Variants in CNTNAP2 observed in about 807,000 individuals in gnomAD.
The protein encoded by CNTNAP2 is contactin-associated protein-like 2.
Under a neutral mutation model 155.2 loss-of-function variants are expected in CNTNAP2, and 98 were observed. The observed-to-expected ratio is 0.63, with a 90% CI of 0.54 to 0.75. The LOEUF (loss-of-function observed/expected upper bound fraction) is 0.75. CNTNAP2 is among the 30% of genes least tolerant of loss of function. CNTNAP2 has a pLI of 0.00. For missense variants in CNTNAP2, 1,727 were observed against 1,688.1 expected, an observed-to-expected ratio of 1.02 and a Z score of -0.40; for synonymous variants, 651 against 631.2, an observed-to-expected ratio of 1.03 and a Z score of -0.47.
At chr7:148,216,701 T>C (rs1016064090) in intron 18 of CNTNAP2, among the ~76,000 whole-genome samples, 1 of 152,188 alleles carries the variant, frequency 6.6e-6, no homozygotes, top group Non-Finnish European at 1.5e-5. Flanking sequence ...AATTTTACTA[T>C]TTTTTTAATT....
intron 1 of CNTNAP2, among the ~76,000 whole-genome samples, chr7:146,419,196 G>C (rs1795977309): frequency 6.6e-6 from 1 of 152,194 alleles, no homozygotes; most frequent in African/African-American, 2.4e-5. Context: ...GCAAACAAGA[G>C]CTAATGAAAG....
At chr7:147,724,640 A>G (rs76360411) in intron 13 of CNTNAP2, among the ~76,000 whole-genome samples, 1,526 of 152,170 alleles carry the variant, frequency 0.01, 33 homozygotes, top group African/African-American at 0.035. Flanking sequence ...TGATTTGTGC[A>G]TAATACATAT....
At chr7:147,159,094 C>G (rs1427024001) in intron 8 of CNTNAP2, among the ~76,000 whole-genome samples, 2 of 152,004 alleles carry the variant, frequency 1.3e-5, no homozygotes, top group Non-Finnish European at 2.9e-5. Context: ...GCAAAGGGAA[C>G]AGCATTGACA....
At position 146,822,583 on chromosome 7, in the gene CNTNAP2, A is replaced by C. The variant is rs569606048; in HGVS notation, c.209-17128A>C. Among the ~76,000 whole-genome samples, 4 of 150,740 alleles carry C rather than the reference A, an allele frequency of 2.7e-5. No homozygotes were observed. In the South Asian group the frequency reaches 8.3e-4, roughly 31 times the overall value. ...AGTGTCTGAGTATTAAGTATTTTCTAATGAGACCTTTTGTGAATTAGATGG... is the reference window on the plus strand; with the variant it reads ...AGTGTCTGAGTATTAAGTATTTTCTCATGAGACCTTTTGTGAATTAGATGG... On this transcript the variant is annotated intron_variant, in intron 2 of 23. Coordinates refer to ENST00000361727, the MANE Select transcript of CNTNAP2 (RefSeq NM_014141.6).
chr7:148,080,218 C>T (rs1472124605), intron 15 of CNTNAP2, among the ~76,000 whole-genome samples: 2 of 152,286 alleles, frequency 1.3e-5, no homozygotes, highest in Admixed American at 6.5e-5. Context: ...ACTAAGATGT[C>T]AGGGTTGTTT....
At chr7:147,352,779 A>C (rs1192217082) in intron 9 of CNTNAP2, among the ~76,000 whole-genome samples, 2 of 152,014 alleles carry the variant, frequency 1.3e-5, no homozygotes, top group Non-Finnish European at 2.9e-5. Context: ...CACATGGAAA[A>C]AAATTCAAAA....
chr7:148,080,338 G>T (rs1307392029), intron 15 of CNTNAP2, among the ~76,000 whole-genome samples: 1 of 152,116 alleles, frequency 6.6e-6, no homozygotes, highest in Non-Finnish European at 1.5e-5. Flanking sequence ...GGGCACGGTG[G>T]CTCAAGCCTG....
At chr7:146,660,865 T>G (rs1468520738) in intron 1 of CNTNAP2, among the ~76,000 whole-genome samples, 2 of 152,230 alleles carry the variant, frequency 1.3e-5, no homozygotes, top group Non-Finnish European at 2.9e-5. Flanking sequence ...ACCCAGTCCC[T>G]CAACCTTTCC....
chr7:148,189,063 G>A (rs1327125664), intron 18 of CNTNAP2, among the ~76,000 whole-genome samples: 2 of 152,128 alleles, frequency 1.3e-5, no homozygotes, highest in Non-Finnish European at 2.9e-5. Flanking sequence ...AGAGTTAGAG[G>A]ATGTAAAATG....
chr7:147,619,832 C>T (rs780066112), intron 12 of CNTNAP2, among the ~76,000 whole-genome samples: 8 of 152,188 alleles, frequency 5.3e-5, no homozygotes, highest in African/African-American at 1.7e-4. Flanking sequence ...CTTGAGCGAA[C>T]ATAGGCAGCA....
At chr7:146,443,233 T>A (rs893642501) in intron 1 of CNTNAP2, among the ~76,000 whole-genome samples, 20 of 138,250 alleles carry the variant, frequency 1.4e-4, no homozygotes, top group East Asian at 3.9e-4. Flanking sequence ...AAATAAATAA[T>A]AAATAAATAA....
rs530065061 is a variant in CNTNAP2 at position 147,399,693 on chromosome 7, G to A, written c.1670+3913G>A. 3.9e-4 allele frequency among the ~76,000 whole-genome samples: 60 copies of A among 152,304 alleles called. 1 individual carries two copies. The highest frequency in any genetic ancestry group is 1.4e-3 in the African/African-American group (58 of 41,562). ...TCTAAGTAGAAATGTCAGGAAGAGA[G>A]TTGGATATATGTATGTAACAAGCCT... On this transcript the variant is annotated intron_variant, in intron 10 of 23. Coordinates refer to ENST00000361727, the MANE Select transcript of CNTNAP2 (RefSeq NM_014141.6).
intron 1 of CNTNAP2, among the ~76,000 whole-genome samples, chr7:146,241,607 C>CT (rs1799563663): frequency 1.5e-5 from 2 of 130,488 alleles, no homozygotes; most frequent in African/African-American, 8.7e-5. Context: ...ATTAATGTGA[C>CT]ATTTTTTTTA....
intron 21 of CNTNAP2, among the ~76,000 whole-genome samples, chr7:148,324,667 G>T (rs570118837): frequency 3.1e-3 from 467 of 151,952 alleles, no homozygotes; most frequent in Non-Finnish European, 5.6e-3. Context: ...GCATGGTGGC[G>T]GGTGCCTGTA....
intron 8 of CNTNAP2, among the ~76,000 whole-genome samples, chr7:147,177,198 C>T (rs910877501): frequency 6.6e-6 from 1 of 151,776 alleles, no homozygotes; most frequent in African/African-American, 2.4e-5. Context: ...TTAAAAATAA[C>T]TTTGATATGG....
chr7:147,952,492 G>GA (rs1189753044), intron 14 of CNTNAP2, among the ~76,000 whole-genome samples: 1 of 151,822 alleles, frequency 6.6e-6, no homozygotes, highest in African/African-American at 2.4e-5. Context: ...ATTATTTATA[G>GA]AAAATCATAG....
chr7:146,161,483 C>T (rs1798221081), intron 1 of CNTNAP2, among the ~76,000 whole-genome samples: 1 of 152,168 alleles, frequency 6.6e-6, no homozygotes. Flanking sequence ...TCAAGGAGAA[C>T]TACAAACCAC....
intron 14 of CNTNAP2, among the ~76,000 whole-genome samples, chr7:147,967,171 G>A (rs995589690): frequency 6.6e-6 from 1 of 152,112 alleles, no homozygotes; most frequent in African/African-American, 2.4e-5. Flanking sequence ...AGGAACTCCT[G>A]TTTAGGGAAA....
chr7:147,658,711 C>T (rs1325635856), intron 13 of CNTNAP2, among the ~76,000 whole-genome samples: 1 of 152,108 alleles, frequency 6.6e-6, no homozygotes, highest in Non-Finnish European at 1.5e-5. Context: ...GGTAACAGGT[C>T]ATCTTTGGAC....
Sources: gnomAD v4.1 joint callset for allele counts (sites outside exome capture counted in the v4.1 genomes callset) on GRCh38, gnomAD v4.1.1 for gene constraint, MANE v1.5 for transcripts, NCBI Gene and HGNC (gene_info 2026-07-23, HGNC 2026-07-21) for gene names.